FHOD3: variants seen among roughly 807,000 people sequenced by gnomAD.
FHOD3 encodes the protein FH1/FH2 domain-containing protein 3.
Under a neutral mutation model 173.0 loss-of-function variants are expected in FHOD3, and 90 were observed. The observed-to-expected ratio is 0.52, with a 90% CI of 0.44 to 0.62. The LOEUF (loss-of-function observed/expected upper bound fraction) is 0.62, where lower values mean the gene tolerates loss of function less well. FHOD3 is among the 20% of genes least tolerant of loss of function. FHOD3 has a pLI of 0.00. For synonymous variants in FHOD3, 828 were observed against 823.0 expected (o/e 1.01, Z -0.10); for missense variants, 1,945 against 2,034.7 (o/e 0.96, Z 0.85).
rs190738280 is a variant in FHOD3, at chr18:36,524,699, A to C, written c.511+12156A>C. Among the ~76,000 whole-genome samples the C allele has an allele frequency of 2.6e-5, 4 of 152,228 alleles. No homozygotes were observed. The East Asian group carries it at 7.7e-4, about 29-fold the overall frequency. ...CCTGTCTTTCTATCTGTCTTTTCCC[A>C]GCTCTTCCAGATCTTAATCTGGAGG... On this transcript the variant is annotated intron_variant, in intron 5 of 28. Coordinates refer to ENST00000590592, the MANE Select transcript of FHOD3 (RefSeq NM_001281740.3).
At chr18:36,634,571 A>G (rs929140562) in intron 10 of FHOD3, among the ~76,000 whole-genome samples, 2 of 152,140 alleles carry the variant, frequency 1.3e-5, no homozygotes, top group African/African-American at 4.8e-5. Context: ...ATGGGGTGTT[A>G]TATGACGTTA....
chr18:36,431,730 T>C (rs1357735231), intron 3 of FHOD3, among the ~76,000 whole-genome samples: 1 of 152,234 alleles, frequency 6.6e-6, no homozygotes, highest in Non-Finnish European at 1.5e-5. Context: ...TTGGGTTATG[T>C]AATACTATAA....
rs71168228 is a variant in FHOD3, at chr18:36,481,450, C to CT, written c.338-20468dup. On this transcript the variant is annotated intron_variant, in intron 3 of 28. Transcript: ENST00000590592. ...TGGGGGCTGGGGAAAAGGCAGACAA[C>CT]TTTTTTTTTTTTTTCAGGATAGCAG... Among the ~76,000 whole-genome samples, 485 of 146,046 alleles carry CT rather than the reference C, an allele frequency of 3.3e-3. 2 individuals are homozygous for CT. The highest frequency in any genetic ancestry group is 8.2e-3 in the African/African-American group (328 of 39,856).
At chr18:36,575,235 T>A (rs1426818322) in intron 5 of FHOD3, among the ~76,000 whole-genome samples, 3 of 152,222 alleles carry the variant, frequency 2.0e-5, no homozygotes, top group African/African-American at 7.2e-5. Context: ...CCTCCCAAAG[T>A]GTTGGGATTA....
At chr18:36,529,710 G>T (rs1480292579) in intron 5 of FHOD3, among the ~76,000 whole-genome samples, 6 of 152,152 alleles carry the variant, frequency 3.9e-5, no homozygotes, top group Admixed American at 3.9e-4. Flanking sequence ...TGAGGCAAGA[G>T]AATCGCTTGA....
chr18:36,461,002 C>T (rs544436287), intron 3 of FHOD3, among the ~76,000 whole-genome samples: 57 of 152,196 alleles, frequency 3.7e-4, no homozygotes, highest in African/African-American at 1.1e-3. Flanking sequence ...ACCTTCGGAG[C>T]GGTGCACAGG....
chr18:36,658,098 C>T lies in FHOD3; in HGVS notation c.1745C>T (p.Ser582Phe), dbSNP rs1299656803. 2 of 1,607,542 alleles carry T rather than the reference C, an allele frequency of 1.2e-6. No individual in the cohort carries two copies. The highest frequency in any genetic ancestry group is 1.7e-6 in the Non-Finnish European group (2 of 1,177,328). The change falls in exon 14 of 29, where the codon TCT becomes TTT. Residue 582 changes from serine to phenylalanine, a missense_variant. By Grantham distance (155) the Ser-to-Phe change is radical (BLOSUM62 -2). Transcript: ENST00000590592. ...AGATACAGCAATTTTGGCAATAACT[C>T]TTATCACTCCTCAAGACCCTCATCT... ...SNRYSNFGNN[S>F]YHSSRPSSGS...
At chr18:36,428,088 C>G (rs1441933524) in intron 3 of FHOD3, among the ~76,000 whole-genome samples, 1 of 152,164 alleles carries the variant, frequency 6.6e-6, no homozygotes, top group Non-Finnish European at 1.5e-5. Context: ...TCTCTGCTCA[C>G]CTTCTCTGTC....
chr18:36,516,111 G>A (rs558900517), intron 5 of FHOD3, among the ~76,000 whole-genome samples: 2 of 152,062 alleles, frequency 1.3e-5, no homozygotes, highest in Non-Finnish European at 2.9e-5. Context: ...AATTTCTCAC[G>A]TAGGCTTTTT....
At chr18:36,509,081 T>A (rs903193750) in intron 4 of FHOD3, among the ~76,000 whole-genome samples, 4 of 152,146 alleles carry the variant, frequency 2.6e-5, no homozygotes, top group Non-Finnish European at 4.4e-5. Flanking sequence ...ACCACAGGGG[T>A]GTAACCAACA....
intron 28 of FHOD3, among the ~76,000 whole-genome samples, chr18:36,773,259 C>A (rs1452323010): frequency 2.0e-5 from 3 of 152,092 alleles, no homozygotes; most frequent in African/African-American, 7.2e-5. Flanking sequence ...TCTGTAAGTC[C>A]CCCCCACAGT....
At chr18:36,531,511 A>T (rs2056779213) in intron 5 of FHOD3, among the ~76,000 whole-genome samples, 1 of 151,984 alleles carries the variant, frequency 6.6e-6, no homozygotes, top group Admixed American at 6.6e-5. Context: ...TGCTGGCCCC[A>T]TCTTGCCTCC....
chr18:36,636,322 A>G (rs2034878156), intron 10 of FHOD3, among the ~76,000 whole-genome samples: 1 of 152,138 alleles, frequency 6.6e-6, no homozygotes, highest in South Asian at 2.1e-4. Flanking sequence ...AAGGAGTACT[A>G]AGCTGGGTTG....
At chr18:36,679,136 A>G (rs1032758379) in intron 14 of FHOD3, among the ~76,000 whole-genome samples, 1 of 152,056 alleles carries the variant, frequency 6.6e-6, no homozygotes, top group Admixed American at 6.6e-5. Context: ...TTCTTTCTCA[A>G]TCAGATTTGG....
chr18:36,391,348 G>C (rs1183739676), intron 3 of FHOD3, among the ~76,000 whole-genome samples: 2 of 152,198 alleles, frequency 1.3e-5, no homozygotes, highest in African/African-American at 4.8e-5. Flanking sequence ...ACAGATGCCA[G>C]GATCCCTGTT....
intron 5 of FHOD3, among the ~76,000 whole-genome samples, chr18:36,545,022 A>G (rs1283159387): frequency 6.6e-6 from 1 of 152,208 alleles, no homozygotes; most frequent in Non-Finnish European, 1.5e-5. Flanking sequence ...TGAAGAGTCA[A>G]TGAGGCAATG....
chr18:36,387,819 T>C (rs2048102058), intron 3 of FHOD3, among the ~76,000 whole-genome samples: 1 of 152,084 alleles, frequency 6.6e-6, no homozygotes, highest in South Asian at 2.1e-4. Context: ...TGTGCTGTCA[T>C]TGCCCCTTGC....
At chr18:36,755,045 A>G (rs1175071536) in intron 24 of FHOD3, 74 bp from the exon 25 acceptor site, 13 of 697,874 alleles carry the variant, frequency 1.9e-5, no homozygotes, top group South Asian at 7.2e-5. Context: ...TTGGTTTCTT[A>G]CTGAGAGATT....
intron 3 of FHOD3, among the ~76,000 whole-genome samples, chr18:36,409,412 G>A (rs17565368): frequency 0.13 from 19,968 of 152,134 alleles, 1,530 homozygotes; most frequent in South Asian, 0.32. Flanking sequence ...TGGCTAGCTC[G>A]TTGCTGTCTT....
Sources: allele counts gnomAD v4.1 joint callset (sites outside exome capture counted in the v4.1 genomes callset), GRCh38; gene constraint gnomAD v4.1.1; transcripts MANE v1.5; gene names NCBI Gene and HGNC (gene_info 2026-07-23, HGNC 2026-07-21).